The following HIPK3 variants were observed in gnomAD, a reference collection of about 807,000 sequenced individuals.
HIPK3 encodes the protein homeodomain interacting protein kinase 3.
HIPK3 carries 47 observed loss-of-function variants against 124.2 expected under a neutral mutation model. That is an observed-to-expected ratio of 0.38 (90% CI 0.30 to 0.48). The LOEUF (loss-of-function observed/expected upper bound fraction) is 0.48. Among genes scored for constraint, HIPK3 ranks in the 20% least tolerant of loss-of-function variants. The probability of loss-of-function intolerance (pLI) is 0.98; values close to 1 mark genes in which losing one functional copy is unlikely to be tolerated. For synonymous variants in HIPK3, 482 were observed against 515.2 expected (o/e 0.94, Z 0.87); for missense variants, 1,286 against 1,454.3 (o/e 0.88, Z 1.88).
chr11:33,339,409 A>G lies in HIPK3; in HGVS notation c.1488A>G (p.Arg496=), dbSNP rs2133984351. The G allele has an allele frequency of 6.2e-7, 1 of 1,613,596 alleles. No homozygotes were observed. Among genetic ancestry groups the G allele is most frequent in the Non-Finnish European group, 8.5e-7 (1 of 1,179,594 alleles). Residue 496 remains arginine, a synonymous_variant, in exon 6 of 17, where the codon AGA becomes AGG. Transcript: ENST00000303296. ...SDLLAEKADR[R]EFVSLLKKML... is the part of the protein sequence containing the mutation. The stretch of plus-strand genomic sequence containing the variant: ...TTTTGGCTGAGAAAGCTGATAGAAG[A>G]GAATTTGTTAGTCTGTTGAAGAAAA...
At chr11:33,297,029 G>GCTA (rs200533016) in intron 2 of HIPK3, among the ~76,000 whole-genome samples, 3 of 152,008 alleles carry the variant, frequency 2.0e-5, no homozygotes, top group African/African-American at 7.3e-5. Flanking sequence ...AATTAAAAGT[G>GCTA]CTACTCCAGT....
chr11:33,301,821 G>GAC (rs143389257), intron 2 of HIPK3, among the ~76,000 whole-genome samples: 3,227 of 127,518 alleles, frequency 0.025, 99 homozygotes, highest in South Asian at 0.042. Context: ...AACCCTGTCT[G>GAC]ACACACACAC....
At chr11:33,273,582 T>C (rs1447101659) in intron 1 of HIPK3, among the ~76,000 whole-genome samples, 1 of 147,612 alleles carries the variant, frequency 6.8e-6, no homozygotes, top group Non-Finnish European at 1.5e-5. Flanking sequence ...AAAAAGGGCA[T>C]TTATATAAAG....
chr11:33,347,031 A>G (rs1287168097), intron 8 of HIPK3, among the ~76,000 whole-genome samples: 1 of 152,082 alleles, frequency 6.6e-6, no homozygotes, highest in Non-Finnish European at 1.5e-5. Context: ...CCAAAAATTA[A>G]AGAGATTAGC....
chr11:33,351,495 T>C (rs1853655004), intron 14 of HIPK3, 113 bp from the exon 15 acceptor site: 5 of 690,106 alleles, frequency 7.2e-6, no homozygotes, highest in Non-Finnish European at 1.2e-5. Context: ...TGTAATTATA[T>C]ATAAAATAAC....
chr11:33,298,928 C>A (rs1293684949), intron 2 of HIPK3, among the ~76,000 whole-genome samples: 1 of 152,032 alleles, frequency 6.6e-6, no homozygotes, highest in Non-Finnish European at 1.5e-5. Context: ...CTCATTTCAA[C>A]CTCCACCTCC....
Position 33,286,553 on chromosome 11 carries a change from G to GA in HIPK3, c.139_140insA (p.Gly47GlufsTer2). The GA allele has an allele frequency of 6.2e-7, 1 of 1,613,942 alleles. No homozygotes were observed. The highest frequency in any genetic ancestry group is 1.1e-5 in the South Asian group (1 of 91,070). ...AAACTATCCACGGACCTATGTGAAT[G>GA]GTAGAAACTTTGGAAATTCTCATCC... On this transcript the variant is annotated frameshift_variant, in exon 2 of 17. Transcript: ENST00000303296. LOFTEE classifies it high-confidence loss of function.
intron 2 of HIPK3, among the ~76,000 whole-genome samples, chr11:33,317,542 C>T (rs1852541744): frequency 3.9e-5 from 6 of 152,144 alleles, no homozygotes; most frequent in Admixed American, 3.9e-4. Context: ...GTTGGGATTA[C>T]AGTCGTGAGC....
chr11:33,343,702 T>C (rs928298510), intron 8 of HIPK3, among the ~76,000 whole-genome samples: 10 of 152,228 alleles, frequency 6.6e-5, no homozygotes, highest in Non-Finnish European at 1.5e-4. Context: ...TAATAAGAGA[T>C]GTGAAAACAG....
intron 1 of HIPK3, among the ~76,000 whole-genome samples, chr11:33,259,055 T>C (rs1301877245): frequency 6.6e-6 from 1 of 152,180 alleles, no homozygotes; most frequent in Non-Finnish European, 1.5e-5. Flanking sequence ...TTGCGTACTT[T>C]CTAGTAGTTT....
intron 1 of HIPK3, among the ~76,000 whole-genome samples, chr11:33,265,273 G>T (rs1364356934): frequency 6.6e-6 from 1 of 152,132 alleles, no homozygotes; most frequent in Non-Finnish European, 1.5e-5. Context: ...CATTTTCAAT[G>T]GAGACAGTAA....
chr11:33,300,760 A>G (rs1363318753), intron 2 of HIPK3, among the ~76,000 whole-genome samples: 1 of 151,866 alleles, frequency 6.6e-6, no homozygotes, highest in Admixed American at 6.6e-5. Context: ...TTTTTTTGAG[A>G]GTCTCACTCA....
chr11:33,289,961 TC>T (rs961763765), intron 2 of HIPK3, among the ~76,000 whole-genome samples: 2 of 152,192 alleles, frequency 1.3e-5, no homozygotes, highest in African/African-American at 4.8e-5. Context: ...ATAATGTCCT[TC>T]AGTTCCATCC....
intron 14 of HIPK3, among the ~76,000 whole-genome samples, chr11:33,350,092 A>C (rs1271942508): frequency 1.3e-5 from 2 of 152,222 alleles, no homozygotes; most frequent in Non-Finnish European, 2.9e-5. Context: ...AAGGATAAAA[A>C]AGCCACATTC....
intron 3 of HIPK3, among the ~76,000 whole-genome samples, chr11:33,329,969 T>C (rs1852924599): frequency 6.6e-6 from 1 of 152,184 alleles, no homozygotes; most frequent in South Asian, 2.1e-4. Context: ...TATACTCGAT[T>C]AGGACTTCAC....
Position 33,353,852 on chromosome 11 carries a change from A to T in HIPK3, c.*284A>T. On this transcript the variant is annotated 3_prime_UTR_variant, in exon 17 of 17. Coordinates refer to ENST00000303296, the MANE Select transcript of HIPK3 (RefSeq NM_005734.5). ...GCTATTTTTTATAAATTGCCTTCTA[A>T]CTAGTGCAAGACACGTCTACATTTG... The T allele has an allele frequency of 2.7e-6, 1 of 373,418 alleles. No individual in the cohort carries two copies. Among genetic ancestry groups the T allele is most frequent in the South Asian group, 2.5e-5 (1 of 39,370 alleles). 23.1% of individuals were successfully genotyped at this position (373,418 alleles called of 1,614,324 possible).
intron 8 of HIPK3, among the ~76,000 whole-genome samples, chr11:33,343,281 G>GTT (rs1300394763): frequency 6.6e-6 from 1 of 150,390 alleles, no homozygotes; most frequent in Admixed American, 6.6e-5. Flanking sequence ...GTGTGTGTGT[G>GTT]TGTGTGTGTC....
In HIPK3 at chr11:33,287,463, A is replaced by C. The variant is rs995166517; in HGVS notation, c.1049A>C (p.His350Pro). 1.2e-6 allele frequency: 2 copies of C among 1,613,922 alleles called. No homozygotes were observed. Among genetic ancestry groups the C allele is most frequent in the Non-Finnish European group, 1.7e-6 (2 of 1,179,912 alleles). The change falls in exon 2 of 17, where the codon CAT becomes CCT. Residue 350 changes from histidine to proline, a missense_variant. By Grantham distance (77) the His-to-Pro change is moderately conservative. Transcript: ENST00000303296. ...VKVIDFGSASHVSKTVCSTYL... is the reference protein window; with the variant it reads ...VKVIDFGSASPVSKTVCSTYL... ...GTAATAGACTTTGGGTCGGCCAGTCATGTATCAAAGACTGTTTGTTCAACA... is the reference window on the plus strand; with the variant it reads ...GTAATAGACTTTGGGTCGGCCAGTCCTGTATCAAAGACTGTTTGTTCAACA...
intron 2 of HIPK3, among the ~76,000 whole-genome samples, chr11:33,311,997 C>CACACACACACACA (rs767765178): frequency 6.8e-6 from 1 of 146,368 alleles, no homozygotes; most frequent in Non-Finnish European, 1.5e-5. Context: ...CACACACACA[C>CACACACACACACA]CACGAAAAAA....
Sources: gnomAD v4.1 joint callset for allele counts (sites outside exome capture counted in the v4.1 genomes callset) on GRCh38, gnomAD v4.1.1 for gene constraint, MANE v1.5 for transcripts, NCBI Gene and HGNC (gene_info 2026-07-23, HGNC 2026-07-21) for gene names.